The following ASZ1 variants were observed in gnomAD, a reference collection of about 807,000 sequenced individuals.
ASZ1 encodes the protein ankyrin repeat, SAM and basic leucine zipper domain-containing protein 1.
ASZ1 carries 67 observed loss-of-function variants against 61.8 expected under a neutral mutation model. That is an observed-to-expected ratio of 1.08 (90% CI 0.89 to 1.33). The LOEUF (loss-of-function observed/expected upper bound fraction) is 1.33. Ranked by LOEUF, ASZ1 falls within the 40% of genes most tolerant of loss-of-function variation. The probability of loss-of-function intolerance (pLI) is 0.00; values close to 1 mark genes in which losing one functional copy is unlikely to be tolerated. For synonymous variants in ASZ1, 193 were observed against 192.7 expected, an observed-to-expected ratio of 1.00 and a Z score of -0.01; for missense variants, 577 against 554.5, an observed-to-expected ratio of 1.04 and a Z score of -0.41.
chr7:117,382,248 G>A (rs1223862768), intron 7 of ASZ1, 104 bp from the exon 8 acceptor site: 2 of 752,596 alleles, frequency 2.7e-6, no homozygotes, highest in East Asian at 2.6e-5. Flanking sequence ...ATGAATTCAT[G>A]TAGAATATAT....
intron 2 of ASZ1, among the ~76,000 whole-genome samples, chr7:117,426,488 C>CA (rs10625452): frequency 0.25 from 8,664 of 34,092 alleles, 947 homozygotes; most frequent in South Asian, 0.29. Flanking sequence ...GATAACATCT[C>CA]AAAAAAAAAA....
intron 4 of ASZ1, among the ~76,000 whole-genome samples, chr7:117,408,739 G>A (rs374544364): frequency 2.7e-4 from 41 of 152,124 alleles, no homozygotes; most frequent in African/African-American, 9.2e-4. Flanking sequence ...CTGAGCAAAA[G>A]AATTCAGACA....
intron 5 of ASZ1, 132 bp from the exon 6 acceptor site, chr7:117,384,992 T>G: frequency 1.2e-6 from 1 of 804,004 alleles, no homozygotes; most frequent in Non-Finnish European, 1.8e-6. Context: ...ATGCAATCTC[T>G]TCATTTTACA....
chr7:117,417,180 T>C (rs983489012), intron 4 of ASZ1, among the ~76,000 whole-genome samples: 1 of 148,828 alleles, frequency 6.7e-6, no homozygotes, highest in Admixed American at 6.6e-5. Context: ...ACTGATCCCG[T>C]ATTAGTTAAA....
intron 4 of ASZ1, among the ~76,000 whole-genome samples, chr7:117,416,987 G>A (rs1797005568): frequency 6.6e-6 from 1 of 152,058 alleles, no homozygotes; most frequent in Non-Finnish European, 1.5e-5. Flanking sequence ...CCTGCTCCTA[G>A]TACGAATCAG....
At chr7:117,418,961 A>T (rs1260277061) in intron 4 of ASZ1, among the ~76,000 whole-genome samples, 1 of 151,110 alleles carries the variant, frequency 6.6e-6, no homozygotes, top group Admixed American at 6.6e-5. Context: ...ACCCTGTCTT[A>T]AAAAAAAATA....
chr7:117,367,372 G>T lies in ASZ1; in HGVS notation c.1255C>A (p.Leu419Ile). The T allele has an allele frequency of 6.5e-7, 1 of 1,538,858 alleles. No individual in the cohort carries two copies. The highest frequency in any genetic ancestry group is 8.7e-7 in the Non-Finnish European group (1 of 1,146,438). The stretch of plus-strand genomic sequence containing the variant: ...TATACCTTTTGAATTAGGTCTTTTA[G>T]TTTGCAGACCTTTTCACTCAAATCT... The part of the protein sequence containing the change: ...VEDLSEKVCK[L>I]KDLIQKLQNE... The change falls in exon 12 of 13, where the codon CTA becomes ATA. Residue 419 changes from leucine (L) to isoleucine (I), a missense_variant. By Grantham distance (5) the Leu-to-Ile change is conservative. Coordinates refer to ENST00000284629, the MANE Select transcript of ASZ1 (RefSeq NM_130768.3).
intron 10 of ASZ1, among the ~76,000 whole-genome samples, chr7:117,373,055 T>C (rs1796076700): frequency 6.6e-6 from 1 of 152,130 alleles, no homozygotes; most frequent in South Asian, 2.1e-4. Context: ...ATAGATTTTT[T>C]GGGGTGGAGC....
intron 9 of ASZ1, among the ~76,000 whole-genome samples, chr7:117,380,659 C>T (rs1475617364): frequency 1.3e-5 from 2 of 151,354 alleles, no homozygotes; most frequent in African/African-American, 4.8e-5. Flanking sequence ...AAACAAAAGG[C>T]TTGGGAGACG....
At chr7:117,402,332 A>G (rs546418605) in intron 4 of ASZ1, among the ~76,000 whole-genome samples, 7 of 152,282 alleles carry the variant, frequency 4.6e-5, no homozygotes, top group Admixed American at 4.6e-4. Context: ...TCCGGGAGGT[A>G]TCCTTTAACC....
intron 4 of ASZ1, among the ~76,000 whole-genome samples, chr7:117,401,487 T>C (rs925809278): frequency 1.3e-5 from 2 of 151,994 alleles, no homozygotes; most frequent in African/African-American, 4.8e-5. Flanking sequence ...AGCTGACTTG[T>C]TGTGCTGGAC....
intron 4 of ASZ1, among the ~76,000 whole-genome samples, chr7:117,406,405 A>T (rs1285394506): frequency 6.6e-6 from 1 of 152,214 alleles, no homozygotes; most frequent in Non-Finnish European, 1.5e-5. Context: ...ATGTGGGTAA[A>T]TCCAAATAAA....
chr7:117,380,184 A>T (rs1009358723), intron 9 of ASZ1, 137 bp from the exon 10 acceptor site: 2 of 599,600 alleles, frequency 3.3e-6, no homozygotes, highest in East Asian at 5.8e-5. Context: ...ACACACTTCT[A>T]AAAAATATGT....
intron 12 of ASZ1, 69 bp downstream of exon 12, chr7:117,367,283 T>C: frequency 8.4e-7 from 1 of 1,192,892 alleles, no homozygotes; most frequent in South Asian, 3.0e-5. Context: ...AACTGCTTCA[T>C]TGTCTAACAC....
At chr7:117,380,309 T>G (rs1459660576) in intron 9 of ASZ1, among the ~76,000 whole-genome samples, 1 of 151,734 alleles carries the variant, frequency 6.6e-6, no homozygotes, top group Non-Finnish European at 1.5e-5. Flanking sequence ...CAAAACAAAT[T>G]ACTAGAACTT....
At chr7:117,425,259 CTTTTT>C (rs71148368) in intron 2 of ASZ1, among the ~76,000 whole-genome samples, 478 of 93,834 alleles carry the variant, frequency 5.1e-3, no homozygotes, top group African/African-American at 0.015. Context: ...TGAGTAATTT[CTTTTT>C]TTTTTTTTTT....
intron 2 of ASZ1, 133 bp downstream of exon 2, chr7:117,426,703 G>A (rs571806916): frequency 1.0e-4 from 84 of 807,812 alleles, no homozygotes; most frequent in Non-Finnish European, 1.6e-4. Flanking sequence ...CTCAGTCAAC[G>A]AAGATTATGC....
chr7:117,412,874 G>A (rs1294719439), intron 4 of ASZ1, among the ~76,000 whole-genome samples: 2 of 151,482 alleles, frequency 1.3e-5, no homozygotes, highest in African/African-American at 4.8e-5. Context: ...TTTTTTAAAG[G>A]CTCATTCTAA....
Position 117,363,721 on chromosome 7 carries a change from T to C in ASZ1, c.1303A>G (p.Thr435Ala). 6.3e-7 allele frequency: 1 copy of C among 1,587,568 alleles called. No individual in the cohort carries two copies. The highest frequency in any genetic ancestry group is 8.6e-7 in the Non-Finnish European group (1 of 1,167,236). The change falls in exon 13 of 13, where the codon ACT becomes GCT. Residue 435 changes from threonine (T) to alanine (A), a missense_variant. Thr to Ala is a moderately conservative substitution (Grantham distance 58, BLOSUM62 0). Transcript: ENST00000284629. ...ACTTCTTCCCTTAATTGTATATGAG[T>C]TGGATCATTTTCCCGTTCATTTTGC... ...KLQNERENDP[T>A]HIQLREEVST...
Sources: gnomAD v4.1 joint callset for allele counts (sites outside exome capture counted in the v4.1 genomes callset) on GRCh38, gnomAD v4.1.1 for gene constraint, MANE v1.5 for transcripts, NCBI Gene and HGNC (gene_info 2026-07-23, HGNC 2026-07-21) for gene names.